Variants in INPP4B observed in about 807,000 individuals in gnomAD.
INPP4B encodes the protein inositol polyphosphate-4-phosphatase type II B.
In INPP4B, 55 loss-of-function variants were observed where a neutral mutation model predicts 122.5. The observed-to-expected ratio is 0.45, with a 90% CI of 0.36 to 0.56. The LOEUF (loss-of-function observed/expected upper bound fraction) is 0.56, where lower values mean the gene tolerates loss of function less well. Ranked by LOEUF, INPP4B falls within the 20% of genes least tolerant of loss-of-function variation. INPP4B has a pLI of 0.00. For missense variants in INPP4B, 1,000 were observed against 1,097.7 expected (o/e 0.91, Z 1.26); for synonymous variants, 403 against 388.7 (o/e 1.04, Z -0.43).
At position 142,367,188 on chromosome 4, in the gene INPP4B, A is replaced by ATG. The variant is rs5862590; in HGVS notation, c.372+35748_372+35749dup. On this transcript the variant is annotated intron_variant, in intron 7 of 25. Transcript: ENST00000262992. ...AATAGTGTGTATGTATACATGTAATATGTGTGTGTGTGTGTGTGTGTGTGT... is the reference window on the plus strand; with the variant it reads ...AATAGTGTGTATGTATACATGTAATATGTGTGTGTGTGTGTGTGTGTGTGTGT... Among the ~76,000 whole-genome samples, 363 of 132,812 alleles carry ATG rather than the reference A, an allele frequency of 2.7e-3. 2 individuals are homozygous for ATG. The highest frequency in any genetic ancestry group is 6.3e-3 in the South Asian group (24 of 3,822). The allele number at this position is 132,812 out of a possible 152,430, so 87.1% of individuals were successfully genotyped here.
In INPP4B at chr4:142,839,377, G is replaced by C. The variant is rs113770561; in HGVS notation, c.-254+6832C>G. On this transcript the variant is annotated intron_variant, in intron 1 of 25. Coordinates refer to ENST00000262992, the MANE Select transcript of INPP4B (RefSeq NM_001101669.3). Reference sequence around the variant, plus strand: ...GGAGGCTGAGGCAGGAGAATCACTGGAACCCGGGAGGCAGAGGCTGCACTC... The same window carrying C: ...GGAGGCTGAGGCAGGAGAATCACTGCAACCCGGGAGGCAGAGGCTGCACTC... 5.9e-3 allele frequency among the ~76,000 whole-genome samples: 903 copies of C among 152,182 alleles called. 7 individuals are homozygous for C. The highest frequency in any genetic ancestry group is 0.021 in the African/African-American group (863 of 41,530).
intron 5 of INPP4B, among the ~76,000 whole-genome samples, chr4:142,421,108 T>TG (rs1188195111): frequency 1.3e-5 from 2 of 152,124 alleles, no homozygotes; most frequent in African/African-American, 4.8e-5. Flanking sequence ...CACTAGCAAG[T>TG]TGGCATCATA....
intron 1 of INPP4B, among the ~76,000 whole-genome samples, chr4:142,753,280 T>A (rs925931194): frequency 6.6e-6 from 1 of 152,126 alleles, no homozygotes; most frequent in Non-Finnish European, 1.5e-5. Flanking sequence ...TAAATGTACA[T>A]GGAGGAGTGG....
Position 142,160,379 on chromosome 4 carries a change from T to C in INPP4B, c.1542A>G (p.Ser514=), listed in dbSNP as rs1279443490. Residue 514 remains serine, a synonymous_variant, in exon 17 of 26, where the codon TCA becomes TCG. Coordinates refer to ENST00000262992, the MANE Select transcript of INPP4B (RefSeq NM_001101669.3). ...TTACCCACTCTTCCTCATCATAGTC[T>C]GAATGATGTGGTATGGAGTCCTGCC... The part of the protein sequence containing the change: ...MRGQDSIPHH[S]DYDEEEWDRV... 4 of 1,553,412 alleles carry C rather than the reference T, an allele frequency of 2.6e-6. No individual in the cohort carries two copies. The African/African-American group carries it at 5.4e-5, about 21-fold the overall frequency.
rs528807423 is a variant in INPP4B, at chr4:142,147,648, C to T, written c.1564-1652G>A. Among the ~76,000 whole-genome samples, 20 of 152,304 alleles carry T rather than the reference C, an allele frequency of 1.3e-4. No individual in the cohort carries two copies. In the South Asian group the frequency reaches 3.9e-3, roughly 30 times the overall value. ...AAATTATTACTATTTGGCAAAATCACATCCAAAACTTACTGGCTTTCCTAA... is the reference window on the plus strand; with the variant it reads ...AAATTATTACTATTTGGCAAAATCATATCCAAAACTTACTGGCTTTCCTAA... On this transcript the variant is annotated intron_variant, in intron 17 of 25. Transcript: ENST00000262992.
chr4:142,208,794 C>A, intron 13 of INPP4B, 102 bp downstream of exon 13: 1 of 881,248 alleles, frequency 1.1e-6, no homozygotes, highest in Non-Finnish European at 1.6e-6. Flanking sequence ...TAAAAAATCT[C>A]CAGTTCTCCT....
intron 14 of INPP4B, among the ~76,000 whole-genome samples, chr4:142,199,798 C>A (rs1218563630): frequency 6.6e-6 from 1 of 151,986 alleles, no homozygotes; most frequent in Non-Finnish European, 1.5e-5. Context: ...AGGTGATGTA[C>A]CCTTCTCAGA....
intron 12 of INPP4B, among the ~76,000 whole-genome samples, chr4:142,233,879 C>G (rs1421021443): frequency 6.6e-6 from 1 of 151,900 alleles, no homozygotes; most frequent in Non-Finnish European, 1.5e-5. Context: ...GATATATCTT[C>G]AAGTAGGATT....
At chr4:142,492,651 G>A (rs1454817124) in intron 2 of INPP4B, among the ~76,000 whole-genome samples, 1 of 152,162 alleles carries the variant, frequency 6.6e-6, no homozygotes, top group Non-Finnish European at 1.5e-5. Context: ...GAGATCTGTG[G>A]AACTTTGAAC....
intron 2 of INPP4B, among the ~76,000 whole-genome samples, chr4:142,545,745 A>ATATGTG (rs1369796752): frequency 2.3e-5 from 3 of 131,728 alleles, no homozygotes; most frequent in Non-Finnish European, 3.3e-5. Context: ...ATATATGTGT[A>ATATGTG]TATATATACA....
At position 142,364,088 on chromosome 4, in the gene INPP4B, C is replaced by G. The variant is rs137940687; in HGVS notation, c.372+38850G>C. Among the ~76,000 whole-genome samples the G allele has an allele frequency of 5.5e-3, 833 of 152,180 alleles. 12 individuals are homozygous for G. Among genetic ancestry groups the G allele is most frequent in the African/African-American group, 0.018 (754 of 41,550 alleles). On this transcript the variant is annotated intron_variant, in intron 7 of 25. Transcript: ENST00000262992. The stretch of plus-strand genomic sequence containing the variant: ...TTCATTATTTTCCTTTCTAACATCT[C>G]TCTCTGGTATTTCTGTGCTTGGGAA...
At chr4:142,771,339 A>C (rs925760187) in intron 1 of INPP4B, among the ~76,000 whole-genome samples, 2 of 152,116 alleles carry the variant, frequency 1.3e-5, no homozygotes, top group African/African-American at 4.8e-5. Flanking sequence ...CCATTGGAGA[A>C]GTTTTAAAAC....
chr4:142,246,072 T>G (rs199762784), intron 11 of INPP4B, among the ~76,000 whole-genome samples: 1 of 135,994 alleles, frequency 7.4e-6, no homozygotes, highest in Non-Finnish European at 1.5e-5. Flanking sequence ...TGTGTGTGTA[T>G]ACACACATTA....
In INPP4B at chr4:142,122,256, G is replaced by A; in HGVS notation, c.2018-11C>T. ...TTCCAATTTCATCGCCTAAACAATAGAAAAGGCACTTAGCTACAAACAAAC... is the reference window on the plus strand; with the variant it reads ...TTCCAATTTCATCGCCTAAACAATAAAAAAGGCACTTAGCTACAAACAAAC... On this transcript the variant is annotated splice_polypyrimidine_tract_variant and intron_variant, in intron 20 of 25. Coordinates refer to ENST00000262992, the MANE Select transcript of INPP4B (RefSeq NM_001101669.3). The A allele has an allele frequency of 6.4e-7, 1 of 1,573,428 alleles. No individual in the cohort carries two copies. The highest frequency in any genetic ancestry group is 8.7e-7 in the Non-Finnish European group (1 of 1,146,672).
At chr4:142,713,135 T>C (rs1763320595) in intron 2 of INPP4B, among the ~76,000 whole-genome samples, 1 of 152,222 alleles carries the variant, frequency 6.6e-6, no homozygotes, top group East Asian at 1.9e-4. Flanking sequence ...GTGAAGAGGC[T>C]AAGAGCAAAA....
intron 25 of INPP4B, among the ~76,000 whole-genome samples, chr4:142,073,828 G>C (rs997576121): frequency 6.6e-6 from 1 of 151,942 alleles, no homozygotes; most frequent in African/African-American, 2.4e-5. Flanking sequence ...TTCAGGTTTG[G>C]GCTGCCTGCA....
chr4:142,319,740 C>T (rs368980316), intron 7 of INPP4B, among the ~76,000 whole-genome samples: 1 of 152,180 alleles, frequency 6.6e-6, no homozygotes, highest in African/African-American at 2.4e-5. Flanking sequence ...TGAGCTGCAC[C>T]GGAGTCCCAA....
intron 7 of INPP4B, among the ~76,000 whole-genome samples, chr4:142,336,503 A>G (rs1776635665): frequency 1.3e-5 from 2 of 152,244 alleles, no homozygotes; most frequent in Admixed American, 1.3e-4. Flanking sequence ...AGGAGGCAGG[A>G]ACAAACGTGA....
intron 9 of INPP4B, among the ~76,000 whole-genome samples, chr4:142,281,338 ATTT>A (rs71586272): frequency 6.9e-6 from 1 of 145,950 alleles, no homozygotes; most frequent in African/African-American, 2.5e-5. Context: ...ATAGCTAAGC[ATTT>A]TTTTTTTTTT....
Sources: allele counts gnomAD v4.1 joint callset (sites outside exome capture counted in the v4.1 genomes callset), GRCh38; gene constraint gnomAD v4.1.1; transcripts MANE v1.5; gene names NCBI Gene and HGNC (gene_info 2026-07-23, HGNC 2026-07-21).